Variants in PDZD2 observed in about 807,000 individuals in gnomAD.
The protein encoded by PDZD2 is PDZ domain containing 2, also known as PDZ domain-containing protein 2.
Under a neutral mutation model 220.7 loss-of-function variants are expected in PDZD2, and 90 were observed. The ratio of observed to expected loss-of-function variants is 0.41; its 90% CI spans 0.34 to 0.49. The LOEUF (loss-of-function observed/expected upper bound fraction) is 0.49. Ranked by LOEUF, PDZD2 falls within the 20% of genes least tolerant of loss-of-function variation. The pLI is 0.28. For missense variants in PDZD2, 3,174 were observed against 3,608.5 expected (o/e 0.88, Z 3.08); for synonymous variants, 1,375 against 1,450.5 (o/e 0.95, Z 1.18).
chr5:31,769,712 G>A (rs935802547), intron 1 of PDZD2, among the ~76,000 whole-genome samples: 5 of 152,196 alleles, frequency 3.3e-5, no homozygotes, highest in Admixed American at 1.3e-4. Context: ...GCCTGAGTGG[G>A]TTTTGGAGGG....
intron 2 of PDZD2, among the ~76,000 whole-genome samples, chr5:31,875,421 TAA>T (rs1739212950): frequency 1.3e-5 from 2 of 151,712 alleles, no homozygotes; most frequent in East Asian, 3.9e-4. Flanking sequence ...CTGTCTCTAC[TAA>T]AAATACAAAA....
intron 1 of PDZD2, among the ~76,000 whole-genome samples, chr5:31,796,368 C>T (rs1307891756): frequency 2.0e-5 from 3 of 152,158 alleles, no homozygotes; most frequent in Non-Finnish European, 4.4e-5. Context: ...AACCCAGGGG[C>T]GCTCTCTCCC....
chr5:31,938,877 A>G lies in PDZD2; in HGVS notation c.477-44278A>G, dbSNP rs150346754. Among the ~76,000 whole-genome samples, 16 of 152,300 alleles carry G rather than the reference A, an allele frequency of 1.1e-4. No individual in the cohort carries two copies. The East Asian group carries it at 3.1e-3, about 29-fold the overall frequency. On this transcript the variant is annotated intron_variant, in intron 2 of 24. Transcript: ENST00000438447. ...AGAGGAAAATCTGGTGACCTTGTTC[A>G]TGTTTAACTTGTGTCGAAACTTCAG... is the stretch of plus-strand genomic sequence containing the variant.
chr5:31,696,879 G>T (rs138016679), intron 1 of PDZD2, among the ~76,000 whole-genome samples: 34 of 152,284 alleles, frequency 2.2e-4, no homozygotes, highest in African/African-American at 8.2e-4. Context: ...TCATCGTTCA[G>T]TTCACCTCTC....
intron 1 of PDZD2, among the ~76,000 whole-genome samples, chr5:31,672,783 G>A (rs1746262941): frequency 6.6e-6 from 1 of 152,184 alleles, no homozygotes; most frequent in Non-Finnish European, 1.5e-5. Flanking sequence ...AGTAGGGTGA[G>A]CAGGTGGTTC....
chr5:31,881,965 C>T (rs570157786), intron 2 of PDZD2, among the ~76,000 whole-genome samples: 116 of 152,262 alleles, frequency 7.6e-4, no homozygotes, highest in Non-Finnish European at 1.2e-3. Context: ...GTGATCCACC[C>T]ACCTCGGTCT....
intron 1 of PDZD2, among the ~76,000 whole-genome samples, chr5:31,716,166 C>G (rs1274416004): frequency 6.6e-6 from 1 of 152,170 alleles, no homozygotes; most frequent in Non-Finnish European, 1.5e-5. Context: ...CCTCTTTTCT[C>G]TCTTTTGAAG....
At chr5:32,068,539 A>C (rs918744546) in intron 14 of PDZD2, among the ~76,000 whole-genome samples, 2 of 152,338 alleles carry the variant, frequency 1.3e-5, no homozygotes, top group Non-Finnish European at 2.9e-5. Context: ...TTATCTCATC[A>C]CAGGCTGGCA....
intron 2 of PDZD2, among the ~76,000 whole-genome samples, chr5:31,823,486 A>G (rs1756031101): frequency 6.6e-6 from 1 of 152,128 alleles, no homozygotes; most frequent in Non-Finnish European, 1.5e-5. Flanking sequence ...AACAAGCAAA[A>G]CAAACAAAGC....
intron 1 of PDZD2, among the ~76,000 whole-genome samples, chr5:31,682,064 T>G (rs904467963): frequency 4.6e-5 from 7 of 152,168 alleles, no homozygotes; most frequent in Admixed American, 6.5e-5. Flanking sequence ...ATAGATATAA[T>G]TATATGATTG....
intron 2 of PDZD2, among the ~76,000 whole-genome samples, chr5:31,875,452 C>T (rs984237662): frequency 2.0e-5 from 3 of 151,376 alleles, no homozygotes; most frequent in African/African-American, 7.3e-5. Flanking sequence ...TGGGCGTGGT[C>T]GCTCATGCCT....
intron 1 of PDZD2, among the ~76,000 whole-genome samples, chr5:31,662,130 G>A (rs545163160): frequency 2.2e-4 from 34 of 152,108 alleles, no homozygotes; most frequent in African/African-American, 7.9e-4. Flanking sequence ...GGCCAACATG[G>A]TGAAACCCCG....
chr5:32,069,594 T>G lies in PDZD2; in HGVS notation c.2477T>G (p.Val826Gly). Residue 826 changes from valine to glycine, a missense_variant, in exon 15 of 25, where the codon GTC (valine) becomes GGC (glycine). Val to Gly is a moderately radical substitution (Grantham distance 109). Transcript: ENST00000438447. Reference protein sequence around the residue: ...PKVSEQEMDEVIARSTYQESK... With the variant: ...PKVSEQEMDEGIARSTYQESK... ...GTTTCCGAGCAGGAAATGGATGAAG[T>G]CATAGCACGCAGCACTTATCAGGAG... The G allele has an allele frequency of 6.3e-7, 1 of 1,599,300 alleles. No individual in the cohort carries two copies. Among genetic ancestry groups the G allele is most frequent in the Admixed American group, 1.7e-5 (1 of 60,006 alleles).
Position 32,074,750 on chromosome 5 carries a change from T to C in PDZD2, c.3537+107T>C. The C allele has an allele frequency of 5.8e-6, 4 of 693,592 alleles. No individual in the cohort carries two copies. In the South Asian group the frequency reaches 7.7e-5, roughly 13 times the overall value. 43.0% of individuals were successfully genotyped at this position (693,592 alleles called of 1,614,324 possible). A position where few individuals can be genotyped will look rare whatever the true frequency, so the allele number is the denominator to read the frequency against. Reference sequence around the variant, plus strand: ...GTAAGCTGCCAGTGGGAAAGGATGATGGCTGGAGAATTATCTTTCAACAGA... The same window carrying C: ...GTAAGCTGCCAGTGGGAAAGGATGACGGCTGGAGAATTATCTTTCAACAGA... On this transcript the variant is annotated intron_variant, in intron 18 of 24. Transcript: ENST00000438447.
At chr5:31,681,275 C>T (rs865962201) in intron 1 of PDZD2, among the ~76,000 whole-genome samples, 25 of 152,154 alleles carry the variant, frequency 1.6e-4, no homozygotes, top group Non-Finnish European at 3.4e-4. Context: ...GAGACAGAGT[C>T]TCACCTTGTT....
intron 1 of PDZD2, among the ~76,000 whole-genome samples, chr5:31,746,410 A>G (rs979719946): frequency 2.0e-5 from 3 of 152,196 alleles, no homozygotes; most frequent in East Asian, 1.9e-4. Context: ...TCCATTAACA[A>G]TGTCCATCGT....
intron 1 of PDZD2, among the ~76,000 whole-genome samples, chr5:31,743,177 CTTTTTT>C (rs753388178): frequency 4.2e-5 from 6 of 142,902 alleles, no homozygotes; most frequent in Non-Finnish European, 9.2e-5. Flanking sequence ...ATTCTTTTTT[CTTTTTT>C]TTTTTTTTGA....
chr5:31,852,591 A>G (rs891410763), intron 2 of PDZD2, among the ~76,000 whole-genome samples: 9 of 148,062 alleles, frequency 6.1e-5, no homozygotes, highest in Non-Finnish European at 9.0e-5. Context: ...CCTGGACTTT[A>G]TTATGTATTT....
intron 6 of PDZD2, among the ~76,000 whole-genome samples, chr5:32,013,766 G>T (rs932725200): frequency 6.6e-6 from 1 of 152,116 alleles, no homozygotes; most frequent in South Asian, 2.1e-4. Flanking sequence ...TGCACCAGAC[G>T]GGACACCACC....
Sources: allele counts gnomAD v4.1 joint callset (sites outside exome capture counted in the v4.1 genomes callset), GRCh38; gene constraint gnomAD v4.1.1; transcripts MANE v1.5; gene names NCBI Gene and HGNC (gene_info 2026-07-23, HGNC 2026-07-21).